Variants in RAD54L observed in about 807,000 individuals in gnomAD.
RAD54L encodes the protein DNA repair and recombination protein RAD54-like.
Under a neutral mutation model 91.6 loss-of-function variants are expected in RAD54L, and 74 were observed. The ratio of observed to expected loss-of-function variants is 0.81; its 90% CI spans 0.67 to 0.98. The LOEUF (loss-of-function observed/expected upper bound fraction) is 0.98. RAD54L is among the 50% of genes least tolerant of loss of function. The pLI is 0.00. For missense variants in RAD54L, 887 were observed against 945.7 expected, an observed-to-expected ratio of 0.94 and a Z score of 0.81; for synonymous variants, 304 against 349.7, an observed-to-expected ratio of 0.87 and a Z score of 1.46.
At chr1:46,275,458 A>C (rs1274844005) in intron 16 of RAD54L, among the ~76,000 whole-genome samples, 1 of 150,588 alleles carries the variant, frequency 6.6e-6, no homozygotes, top group Non-Finnish European at 1.5e-5. Flanking sequence ...CCTCCCACTC[A>C]TCTGGCTTGA....
At chr1:46,260,269 G>A (rs2295464) in intron 5 of RAD54L, among the ~76,000 whole-genome samples, 170 bp downstream of exon 5, 17,524 of 152,260 alleles carry the variant, frequency 0.12, 1,423 homozygotes, top group South Asian at 0.4. Context: ...GTCATGTCCA[G>A]TGAGTGGGCA....
intron 16 of RAD54L, 121 bp from the exon 17 acceptor site, chr1:46,277,696 C>A: frequency 8.5e-7 from 1 of 1,179,182 alleles, no homozygotes; most frequent in Non-Finnish European, 1.2e-6. Flanking sequence ...GGGACTCATA[C>A]TTTTTATTCA....
At chr1:46,269,228 C>A (rs760493280) in intron 9 of RAD54L, among the ~76,000 whole-genome samples, 11 of 152,046 alleles carry the variant, frequency 7.2e-5, no homozygotes, top group Non-Finnish European at 1.3e-4. Flanking sequence ...CCGTTTGTCT[C>A]CTTGTGTCAG....
In RAD54L at chr1:46,260,316, CAGG is replaced by C. The variant is rs112021124; in HGVS notation, c.408-217_408-215del. Among the ~76,000 whole-genome samples the C allele has an allele frequency of 8.2e-3, 1,242 of 152,210 alleles. 19 individuals are homozygous for C. The highest frequency in any genetic ancestry group is 0.037 in the Middle Eastern group (11 of 294). On this transcript the variant is annotated intron_variant, in intron 5 of 17. Coordinates refer to ENST00000371975, the MANE Select transcript of RAD54L (RefSeq NM_003579.4). ...CTCCTGCCTTCCCAGGATGCTCACTCAGGAGGAGGAGTGATTGAGGTGATGACA... is the reference window on the plus strand; with the variant it reads ...CTCCTGCCTTCCCAGGATGCTCACTCAGGAGGAGTGATTGAGGTGATGACA...
At chr1:46,258,358 A>G (rs1660000686) in intron 3 of RAD54L, among the ~76,000 whole-genome samples, 1 of 152,022 alleles carries the variant, frequency 6.6e-6, no homozygotes, top group Non-Finnish European at 1.5e-5. Flanking sequence ...GTAACCCTAT[A>G]TGACAGTGGT....
chr1:46,259,180 T>C (rs534069899), intron 4 of RAD54L, among the ~76,000 whole-genome samples: 21 of 152,096 alleles, frequency 1.4e-4, no homozygotes, highest in Non-Finnish European at 2.6e-4. Flanking sequence ...CTCTCTCTTT[T>C]TTTTTTTTTA....
chr1:46,276,224 C>T lies in RAD54L; in HGVS notation c.1869+1507C>T, dbSNP rs865930179. On this transcript the variant is annotated intron_variant, in intron 16 of 17. Transcript: ENST00000371975. ...AGACACTTTCTTTCTGTTGCCTAAG[C>T]TGGAGTATAGTGGCACGATCATGGA... 2.0e-5 allele frequency among the ~76,000 whole-genome samples: 3 copies of T among 152,296 alleles called. No individual in the cohort carries two copies. The Middle Eastern group carries it at 0.01, about 518-fold the overall frequency.
In RAD54L at chr1:46,261,016, G is replaced by A. The variant is rs764393834; in HGVS notation, c.766+1G>A. On this transcript the variant is annotated splice_donor_variant, in intron 7 of 17. Coordinates refer to ENST00000371975, the MANE Select transcript of RAD54L (RefSeq NM_003579.4). LOFTEE classifies it high-confidence loss of function. ...AAGGATGAAATAGACCAAAAGCTGG[G>A]TACGGAGCCCTAACAAAGATGGCTG... The A allele has an allele frequency of 6.2e-7, 1 of 1,612,718 alleles. No individual in the cohort carries two copies. Among genetic ancestry groups the A allele is most frequent in the Non-Finnish European group, 8.5e-7 (1 of 1,179,770 alleles).
intron 3 of RAD54L, among the ~76,000 whole-genome samples, chr1:46,253,342 G>A (rs916123340): frequency 3.3e-5 from 5 of 152,202 alleles, no homozygotes; most frequent in African/African-American, 7.2e-5. Context: ...GGCCGGGCAC[G>A]TTGGCTCACG....
chr1:46,264,264 A>T (rs1660207601), intron 8 of RAD54L, among the ~76,000 whole-genome samples: 2 of 152,224 alleles, frequency 1.3e-5, no homozygotes. Flanking sequence ...GATCTGAGGA[A>T]CCAAAAGTCC....
chr1:46,268,698 G>C (rs1473783492), intron 9 of RAD54L, among the ~76,000 whole-genome samples: 1 of 152,224 alleles, frequency 6.6e-6, no homozygotes, highest in African/African-American at 2.4e-5. Flanking sequence ...CACATTATGT[G>C]TAGCAGTAGT....
In RAD54L at chr1:46,263,107, G is replaced by C. The variant is rs530998683; in HGVS notation, c.891+1722G>C. Among the ~76,000 whole-genome samples the C allele has an allele frequency of 6.6e-6, 1 of 152,262 alleles. No homozygotes were observed. Among genetic ancestry groups the C allele is most frequent in the Non-Finnish European group, 1.5e-5 (1 of 68,008 alleles). ...TATTCCAGGCTGGGGGTACTTGCAA[G>C]AACAAAAGCAGAGATAAGAAAGTCC... On this transcript the variant is annotated intron_variant, in intron 8 of 17. Transcript: ENST00000371975. The surrounding 1 kb of genome is among the most constrained non-coding windows in gnomAD (Gnocchi z 4.3).
intron 8 of RAD54L, among the ~76,000 whole-genome samples, chr1:46,262,681 A>G (rs1227108162): frequency 6.6e-6 from 1 of 152,048 alleles, no homozygotes; most frequent in East Asian, 1.9e-4. Flanking sequence ...GTTTTTTTAC[A>G]TTGTCAGGGT....
chr1:46,274,148 G>A lies in RAD54L; in HGVS notation c.1621G>A (p.Val541Ile), dbSNP rs555234707. The A allele has an allele frequency of 3.1e-5, 50 of 1,612,584 alleles. No individual in the cohort carries two copies. In the African/African-American group the frequency reaches 3.2e-4, roughly 10 times the overall value. Reference sequence around the variant, plus strand: ...CGAATCCCCCTTCAGGTACTTATACGTCCGCCTGGATGGCACGATGTCCAT... The same window carrying A: ...CGAATCCCCCTTCAGGTACTTATACATCCGCCTGGATGGCACGATGTCCAT... The part of the protein sequence containing the change: ...KLCRARRYLY[V>I]RLDGTMSIKK... The change falls in exon 15 of 18, where the codon GTC (valine) becomes ATC (isoleucine). Residue 541 changes from valine to isoleucine, a missense_variant. Transcript: ENST00000371975.
intron 3 of RAD54L, 138 bp downstream of exon 3, chr1:46,250,257 CA>C: frequency 2.4e-6 from 3 of 1,234,444 alleles, no homozygotes; most frequent in Non-Finnish European, 3.5e-6. Flanking sequence ...TGGACCTGCC[CA>C]CAGCTGCTGG....
chr1:46,253,745 A>G (rs1659866351), intron 3 of RAD54L, among the ~76,000 whole-genome samples: 1 of 10,658 alleles, frequency 9.4e-5, no homozygotes, highest in Non-Finnish European at 2.6e-4. Context: ...TTTTTTTGAG[A>G]CAGAGTCTTG....
intron 14 of RAD54L, 48 bp from the exon 15 acceptor site, chr1:46,274,090 C>G: frequency 3.3e-6 from 5 of 1,535,582 alleles, no homozygotes; most frequent in Middle Eastern, 1.7e-4. Context: ...TTTTTTTTCC[C>G]CCTAATCATT....
Position 46,250,017 on chromosome 1 carries a change from A to G in RAD54L, c.108A>G (p.Lys36=), listed in dbSNP as rs1659754522. ...TCTCCTAGACTCCTAGGAAACGGAA[A>G]TCCAGCAGTGAGACCCAGATCCAGG... ...QPGLVTPRKR[K]SSSETQIQEC... Residue 36 remains lysine, a synonymous_variant, in exon 3 of 18, where the codon AAA becomes AAG. Transcript: ENST00000371975. The G allele has an allele frequency of 6.2e-7, 1 of 1,613,972 alleles. No individual in the cohort carries two copies.
chr1:46,274,476 C>A (rs1660535389), intron 15 of RAD54L, 62 bp from the exon 16 acceptor site: 3 of 1,570,526 alleles, frequency 1.9e-6, no homozygotes, highest in Non-Finnish European at 2.6e-6. Context: ...GCTGGTTGGG[C>A]TGAGCAGGAT....
Sources: gnomAD v4.1 joint callset for allele counts (sites outside exome capture counted in the v4.1 genomes callset) on GRCh38, gnomAD v4.1.1 for gene constraint, Gnocchi (gnomAD v3.1) non-coding constraint, MANE v1.5 for transcripts, NCBI Gene and HGNC (gene_info 2026-07-23, HGNC 2026-07-21) for gene names.